The following SHROOM3 variants were observed in gnomAD, a reference collection of about 807,000 sequenced individuals.
SHROOM3 encodes the protein protein Shroom3.
In SHROOM3, 47 loss-of-function variants were observed where a neutral mutation model predicts 138.6. That is an observed-to-expected ratio of 0.34 (90% CI 0.27 to 0.43). The LOEUF is 0.43. Among genes scored for constraint, SHROOM3 ranks in the 20% least tolerant of loss-of-function variants. The pLI, the probability that SHROOM3 is intolerant of heterozygous loss-of-function variation, is 1.00. For synonymous variants in SHROOM3, 1,062 were observed against 1,063.3 expected (o/e 1.00, Z 0.02); for missense variants, 2,491 against 2,596.5 (o/e 0.96, Z 0.88).
At chr4:76,572,448 C>A (rs780954471) in intron 2 of SHROOM3, among the ~76,000 whole-genome samples, 2 of 152,194 alleles carry the variant, frequency 1.3e-5, no homozygotes, top group African/African-American at 2.4e-5. Context: ...CCCTGTGTGA[C>A]TGACACTTCC....
chr4:76,725,104 GT>G (rs1393486758), intron 3 of SHROOM3, among the ~76,000 whole-genome samples: 1 of 151,508 alleles, frequency 6.6e-6, no homozygotes, highest in Non-Finnish European at 1.5e-5. Context: ...TTTTCCTCGT[GT>G]TTTTGTTTTT....
chr4:76,635,126 A>G (rs1735453167), intron 2 of SHROOM3, among the ~76,000 whole-genome samples: 1 of 152,196 alleles, frequency 6.6e-6, no homozygotes, highest in Non-Finnish European at 1.5e-5. Flanking sequence ...TCTGTCTTCA[A>G]AATTACCCTG....
intron 3 of SHROOM3, among the ~76,000 whole-genome samples, chr4:76,727,203 C>T (rs1017507183): frequency 2.0e-5 from 3 of 152,180 alleles, no homozygotes; most frequent in Non-Finnish European, 4.4e-5. Context: ...ACATGAAACA[C>T]CTCTAGGTAT....
intron 2 of SHROOM3, among the ~76,000 whole-genome samples, chr4:76,565,678 G>T (rs1040307230): frequency 6.6e-6 from 1 of 151,870 alleles, no homozygotes; most frequent in African/African-American, 2.4e-5. Flanking sequence ...ACAGAGTCTC[G>T]CTTTGTTGCC....
rs1722696207 is a variant in SHROOM3 at position 76,780,160 on chromosome 4, A to G, written c.*983A>G. 6.6e-6 allele frequency: 1 copy of G among 152,234 alleles called. No individual in the cohort carries two copies. The highest frequency in any genetic ancestry group is 1.5e-5 in the Non-Finnish European group (1 of 68,050). 9.4% of individuals were successfully genotyped at this position (152,234 alleles called of 1,614,324 possible). ...CTGTTTTAATGATGCTTTAAAAAAA[A>G]AAAATGTTTTCTAAAATGTCAAACC... is the stretch of plus-strand genomic sequence containing the variant. On this transcript the variant is annotated 3_prime_UTR_variant, in exon 11 of 11. Coordinates refer to ENST00000296043, the MANE Select transcript of SHROOM3 (RefSeq NM_020859.4).
chr4:76,676,178 A>G (rs1719020907), intron 2 of SHROOM3, among the ~76,000 whole-genome samples: 1 of 152,222 alleles, frequency 6.6e-6, no homozygotes, highest in African/African-American at 2.4e-5. Flanking sequence ...AATTTGGTTC[A>G]TAAATTCAGG....
chr4:76,449,597 A>G (rs1053839267), intron 1 of SHROOM3, among the ~76,000 whole-genome samples: 1 of 152,214 alleles, frequency 6.6e-6, no homozygotes, highest in African/African-American at 2.4e-5. Flanking sequence ...TATGTTGTCC[A>G]TTTCCAATTT....
intron 2 of SHROOM3, among the ~76,000 whole-genome samples, chr4:76,621,818 A>G (rs1191304513): frequency 6.6e-6 from 1 of 150,688 alleles, no homozygotes; most frequent in Non-Finnish European, 1.5e-5. Context: ...GGTCTGAGAC[A>G]GTTTGAATGT....
intron 2 of SHROOM3, among the ~76,000 whole-genome samples, chr4:76,631,203 CTTT>C (rs71212436): frequency 1.1e-4 from 11 of 104,192 alleles, no homozygotes; most frequent in Admixed American, 5.6e-4. Flanking sequence ...TTTTTTTAAT[CTTT>C]TTTTTTTTTT....
chr4:76,446,669 A>C (rs147395639), intron 1 of SHROOM3, among the ~76,000 whole-genome samples: 2 of 152,316 alleles, frequency 1.3e-5, no homozygotes, highest in Non-Finnish European at 2.9e-5. Flanking sequence ...AACCAGTTAA[A>C]AGAGGGAATC....
chr4:76,510,174 T>C (rs1732302794), intron 1 of SHROOM3, among the ~76,000 whole-genome samples: 1 of 152,192 alleles, frequency 6.6e-6, no homozygotes, highest in Non-Finnish European at 1.5e-5. Flanking sequence ...CCAAGATTTA[T>C]ATATAAGACC....
At chr4:76,525,662 G>T (rs1560533924) in intron 1 of SHROOM3, among the ~76,000 whole-genome samples, 1 of 152,006 alleles carries the variant, frequency 6.6e-6, no homozygotes, top group East Asian at 1.9e-4. Flanking sequence ...AAATTAGATT[G>T]TTTTTTTCTT....
At chr4:76,647,017 T>C (rs1324159098) in intron 2 of SHROOM3, among the ~76,000 whole-genome samples, 1 of 152,164 alleles carries the variant, frequency 6.6e-6, no homozygotes. Context: ...TCCTAAGTGT[T>C]CATCAGCGGG....
At chr4:76,568,765 G>A (rs1364463065) in intron 2 of SHROOM3, among the ~76,000 whole-genome samples, 1 of 152,162 alleles carries the variant, frequency 6.6e-6, no homozygotes, top group African/African-American at 2.4e-5. Flanking sequence ...TTATTTGGAG[G>A]TTTGGATTTG....
At chr4:76,666,701 C>T (rs1445489330) in intron 2 of SHROOM3, among the ~76,000 whole-genome samples, 1 of 152,076 alleles carries the variant, frequency 6.6e-6, no homozygotes, top group Admixed American at 6.6e-5. Context: ...TGATAAAGAT[C>T]TTTCAATTCT....
At chr4:76,610,410 TGA>T (rs1560564147) in intron 2 of SHROOM3, among the ~76,000 whole-genome samples, 1 of 152,242 alleles carries the variant, frequency 6.6e-6, no homozygotes, top group Non-Finnish European at 1.5e-5. Context: ...TTTAGCAGAC[TGA>T]GAGTTTTTCT....
intron 1 of SHROOM3, among the ~76,000 whole-genome samples, chr4:76,517,623 A>G (rs1299748229): frequency 2.4e-5 from 3 of 123,964 alleles, no homozygotes; most frequent in Admixed American, 2.3e-4. Flanking sequence ...TTTGTTTGGT[A>G]TATATATATA....
intron 4 of SHROOM3, among the ~76,000 whole-genome samples, chr4:76,736,450 T>C (rs1012293545): frequency 1.3e-4 from 20 of 152,192 alleles, no homozygotes; most frequent in Non-Finnish European, 2.9e-4. Context: ...TTTCCTTAAA[T>C]TCCAGCACAA....
At chr4:76,539,689 A>T (rs1733059022) in intron 1 of SHROOM3, among the ~76,000 whole-genome samples, 1 of 152,230 alleles carries the variant, frequency 6.6e-6, no homozygotes, top group African/African-American at 2.4e-5. Context: ...AGGTCAAATA[A>T]TGTGTTGAAG....
Sources: allele counts gnomAD v4.1 joint callset (sites outside exome capture counted in the v4.1 genomes callset), GRCh38; gene constraint gnomAD v4.1.1; transcripts MANE v1.5; gene names NCBI Gene and HGNC (gene_info 2026-07-23, HGNC 2026-07-21).